The following TSHZ3 variants were observed in gnomAD, a reference collection of about 807,000 sequenced individuals.
The protein encoded by TSHZ3 is teashirt homolog 3.
In TSHZ3, 10 loss-of-function variants were observed where a neutral mutation model predicts 64.5. The ratio of observed to expected loss-of-function variants is 0.16; its 90% CI spans 0.10 to 0.26. The LOEUF is 0.26. Ranked by LOEUF, TSHZ3 falls within the 10% of genes least tolerant of loss-of-function variation. The pLI is 1.00. For synonymous variants in TSHZ3, 608 were observed against 593.1 expected, an observed-to-expected ratio of 1.03 and a Z score of -0.36; for missense variants, 1,242 against 1,421.7, an observed-to-expected ratio of 0.87 and a Z score of 2.03.
chr19:31,227,911 T>C (rs561241884), intron 4 of TSHZ3, among the ~76,000 whole-genome samples: 11 of 152,314 alleles, frequency 7.2e-5, no homozygotes, highest in Admixed American at 4.6e-4. Context: ...TGAAATCTTA[T>C]TGGTTTATTT....
intron 1 of TSHZ3, among the ~76,000 whole-genome samples, chr19:31,254,782 C>T (rs1342540674): frequency 6.6e-6 from 1 of 152,196 alleles, no homozygotes; most frequent in East Asian, 1.9e-4. Context: ...TGTCTAAGGA[C>T]AGCGGGAAGT....
chr19:31,203,234 C>T (rs1195269497), intron 5 of TSHZ3, among the ~76,000 whole-genome samples: 3 of 152,034 alleles, frequency 2.0e-5, no homozygotes, highest in Admixed American at 6.5e-5. Flanking sequence ...TGTATGAATG[C>T]CCTGAGAAGG....
intron 1 of TSHZ3, among the ~76,000 whole-genome samples, chr19:31,320,294 G>A (rs1011290891): frequency 2.6e-5 from 4 of 152,078 alleles, no homozygotes; most frequent in Non-Finnish European, 5.9e-5. Context: ...TCTGTGCTTT[G>A]TAGAAAAGAC....
chr19:31,276,015 AC>A lies in TSHZ3; in HGVS notation c.*531del, dbSNP rs1976224855. On this transcript the variant is annotated 3_prime_UTR_variant, in exon 2 of 2. Coordinates refer to ENST00000240587, the MANE Select transcript of TSHZ3 (RefSeq NM_020856.4). ...TCTTTTAAATTTCAAGGCGTGTTATACCCCTGCAGACCTGCATAAATGGAGG... is the reference window on the plus strand; with the variant it reads ...TCTTTTAAATTTCAAGGCGTGTTATACCCTGCAGACCTGCATAAATGGAGG... 6.5e-6 allele frequency: 1 copy of A among 152,686 alleles called. No homozygotes were observed. Among genetic ancestry groups the A allele is most frequent in the South Asian group, 2.1e-4 (1 of 4,832 alleles). The allele number at this position is 152,686 out of a possible 1,614,324, so 9.5% of individuals were successfully genotyped here. A position where few individuals can be genotyped will look rare whatever the true frequency, so the allele number is the denominator to read the frequency against.
At chr19:31,224,598 C>G (rs1033187780) in intron 4 of TSHZ3, among the ~76,000 whole-genome samples, 5 of 152,158 alleles carry the variant, frequency 3.3e-5, no homozygotes, top group African/African-American at 1.2e-4. Context: ...AGAAGCCAGA[C>G]GTGGTGGGTC....
intron 1 of TSHZ3, among the ~76,000 whole-genome samples, chr19:31,286,145 A>C (rs1304370755): frequency 1.3e-5 from 2 of 152,122 alleles, no homozygotes; most frequent in African/African-American, 4.8e-5. Flanking sequence ...TCCTTACCCC[A>C]CCAATGAAGA....
In TSHZ3 at chr19:31,298,224, C is replaced by T. The variant is rs534741630; in HGVS notation, c.41-18472G>A. Among the ~76,000 whole-genome samples, 24 of 152,168 alleles carry T rather than the reference C, an allele frequency of 1.6e-4. No homozygotes were observed. The South Asian group carries it at 2.9e-3, about 18-fold the overall frequency. Reference sequence around the variant, plus strand: ...ACATGACCAAGAGCTTTGCTGTCCCCGCCATCCAAAGCCCATTCTTCTCAC... The same window carrying T: ...ACATGACCAAGAGCTTTGCTGTCCCTGCCATCCAAAGCCCATTCTTCTCAC... On this transcript the variant is annotated intron_variant, in intron 1 of 1. Transcript: ENST00000240587.
chr19:31,342,506 G>A (rs1917468879), intron 1 of TSHZ3, among the ~76,000 whole-genome samples: 3 of 152,118 alleles, frequency 2.0e-5, no homozygotes, highest in Admixed American at 2.0e-4. Context: ...AAGTCTTTAC[G>A]TATGCAAAAT....
At chr19:31,348,939 G>C in intron 1 of TSHZ3, 1 of 495,228 alleles carries the variant, frequency 2.0e-6, no homozygotes, top group Non-Finnish European at 3.5e-6. Context: ...GCGCGGCTCA[G>C]CGCGCTCCGC....
chr19:31,279,608 G>A lies in TSHZ3; in HGVS notation c.185C>T (p.Ser62Phe). Residue 62 changes from serine to phenylalanine, a missense_variant, in exon 2 of 2, where the codon TCC becomes TTC. Ser to Phe is a radical substitution (Grantham distance 155). Transcript: ENST00000240587. The surrounding 1 kb of genome is among the most constrained non-coding windows in gnomAD (Gnocchi z 6.4). ...ATGGCAGGAAAACTCGGCGGCCGGGGAGTTCTGGTAGCTGGGGCAGGCCCT... is the reference window on the plus strand; with the variant it reads ...ATGGCAGGAAAACTCGGCGGCCGGGAAGTTCTGGTAGCTGGGGCAGGCCCT... ...LARACPSYQN[S>F]PAAEFSCHEM... 6.2e-7 allele frequency: 1 copy of A among 1,612,468 alleles called. No individual in the cohort carries two copies. Among genetic ancestry groups the A allele is most frequent in the South Asian group, 1.1e-5 (1 of 90,814 alleles).
chr19:31,181,582 C>T (rs1177896101), intron 5 of TSHZ3, among the ~76,000 whole-genome samples: 2 of 152,008 alleles, frequency 1.3e-5, no homozygotes, highest in South Asian at 4.2e-4. Context: ...ATGCCAGCTA[C>T]CAGGAAGAGG....
intron 3 of TSHZ3, among the ~76,000 whole-genome samples, chr19:31,230,963 A>C (rs1599595347): frequency 6.6e-6 from 1 of 151,578 alleles, no homozygotes. Context: ...CGGCCTCCCA[A>C]AGTGCTGGGA....
chr19:31,217,830 A>G (rs1343775798), intron 4 of TSHZ3, among the ~76,000 whole-genome samples: 1 of 152,108 alleles, frequency 6.6e-6, no homozygotes, highest in Non-Finnish European at 1.5e-5. Flanking sequence ...TCCTCCCCTC[A>G]ACCCCTGATA....
chr19:31,217,832 C>G (rs1975352974), intron 4 of TSHZ3, among the ~76,000 whole-genome samples: 1 of 152,214 alleles, frequency 6.6e-6, no homozygotes, highest in African/African-American at 2.4e-5. Context: ...CTCCCCTCAA[C>G]CCCTGATAAC....
intron 1 of TSHZ3, among the ~76,000 whole-genome samples, chr19:31,330,073 T>G (rs1917035595): frequency 6.6e-6 from 1 of 152,108 alleles, no homozygotes; most frequent in Non-Finnish European, 1.5e-5. Flanking sequence ...TTTGTTTTCC[T>G]TAACACTGGG....
chr19:31,327,296 G>C (rs546323514), intron 1 of TSHZ3, among the ~76,000 whole-genome samples: 2 of 152,198 alleles, frequency 1.3e-5, no homozygotes, highest in Non-Finnish European at 2.9e-5. Context: ...TTTGAACAGC[G>C]ATCAATTTCC....
At chr19:31,246,304 T>C (rs1239068977) in intron 1 of TSHZ3, among the ~76,000 whole-genome samples, 1 of 152,196 alleles carries the variant, frequency 6.6e-6, no homozygotes, top group Non-Finnish European at 1.5e-5. Context: ...TATGGGTGAA[T>C]GTGGAGGATA....
intron 5 of TSHZ3, among the ~76,000 whole-genome samples, chr19:31,199,400 CAA>C (rs61428496): frequency 1.0e-5 from 1 of 98,592 alleles, no homozygotes; most frequent in African/African-American, 3.9e-5. Flanking sequence ...GAGACTCCGC[CAA>C]AAAAAAAAAA....
chr19:31,282,855 C>T (rs76908175), intron 1 of TSHZ3, among the ~76,000 whole-genome samples: 7,434 of 152,238 alleles, frequency 0.049, 308 homozygotes, highest in African/African-American at 0.11. Context: ...CTGGCCTCAC[C>T]GCACACCCCA....
Sources: gnomAD v4.1 joint callset for allele counts (sites outside exome capture counted in the v4.1 genomes callset) on GRCh38, gnomAD v4.1.1 for gene constraint, Gnocchi (gnomAD v3.1) non-coding constraint, MANE v1.5 for transcripts, NCBI Gene and HGNC (gene_info 2026-07-23, HGNC 2026-07-21) for gene names.